The following RAP1A variants were observed in gnomAD, a reference collection of about 807,000 sequenced individuals.
RAP1A encodes the protein ras-related protein Rap-1A.
A neutral mutation model predicts 26.4 loss-of-function variants in RAP1A; 6 were observed. The ratio of observed to expected loss-of-function variants is 0.23; its 90% CI spans 0.12 to 0.45. The LOEUF (loss-of-function observed/expected upper bound fraction) is 0.45, where lower values mean the gene tolerates loss of function less well. Ranked by LOEUF, RAP1A falls within the 20% of genes least tolerant of loss-of-function variation. The probability of loss-of-function intolerance (pLI) is 0.99; values close to 1 mark genes in which losing one functional copy is unlikely to be tolerated. For missense variants in RAP1A, 121 were observed against 217.2 expected, an observed-to-expected ratio of 0.56 and a Z score of 2.78; for synonymous variants, 73 against 79.4, an observed-to-expected ratio of 0.92 and a Z score of 0.43.
chr1:111,614,140 A>G (rs1658975954), intron 1 of RAP1A, among the ~76,000 whole-genome samples: 1 of 152,200 alleles, frequency 6.6e-6, no homozygotes, highest in South Asian at 2.1e-4. Flanking sequence ...AGGCCTTGCT[A>G]ATTAATAGCT....
chr1:111,616,166 CA>C (rs375818251), upstream of RAP1A, among the ~76,000 whole-genome samples: 6 of 152,318 alleles, frequency 3.9e-5, no homozygotes, highest in African/African-American at 1.4e-4. Context: ...AGTGTCTACC[CA>C]AATCATCAGA....
intron 1 of RAP1A, chr1:111,649,130 G>T (rs911523223): frequency 3.4e-6 from 2 of 583,074 alleles, no homozygotes; most frequent in African/African-American, 1.9e-5. Context: ...TCTGCAGAAC[G>T]ATGTGGGCAT....
intron 1 of RAP1A, among the ~76,000 whole-genome samples, chr1:111,672,006 A>G (rs1340410529): frequency 2.0e-5 from 3 of 152,172 alleles, no homozygotes; most frequent in Non-Finnish European, 4.4e-5. Flanking sequence ...GACTTGATTT[A>G]TGGCTCAGCA....
intron 1 of RAP1A, among the ~76,000 whole-genome samples, chr1:111,602,945 C>A (rs939963090): frequency 6.6e-6 from 1 of 152,118 alleles, no homozygotes; most frequent in Non-Finnish European, 1.5e-5. Context: ...TAGTGTAAGT[C>A]CTGCCAGCTC....
chr1:111,705,996 A>G (rs1255291024), intron 6 of RAP1A, among the ~76,000 whole-genome samples: 1 of 152,204 alleles, frequency 6.6e-6, no homozygotes, highest in Non-Finnish European at 1.5e-5. Flanking sequence ...AGTACACTAC[A>G]TGTTTGTGAG....
At chr1:111,668,204 G>A (rs1243025839) in intron 1 of RAP1A, among the ~76,000 whole-genome samples, 2 of 152,068 alleles carry the variant, frequency 1.3e-5, no homozygotes, top group Non-Finnish European at 2.9e-5. Context: ...AAGTAATTCT[G>A]GCCACTAGTA....
rs906010116 is a variant in RAP1A at position 111,632,766 on chromosome 1, A to G, written c.-28+12832A>G. 3.9e-4 allele frequency among the ~76,000 whole-genome samples: 59 copies of G among 151,964 alleles called. 1 individual carries two copies. The highest frequency in any genetic ancestry group is 1.4e-3 in the African/African-American group (58 of 41,476). The stretch of plus-strand genomic sequence containing the variant: ...CGTCTTCACTAAAAAAAAAAATACA[A>G]AAAAACTAGCTGGGCGCGGTGGCGC... On this transcript the variant is annotated intron_variant, in intron 1 of 7. Coordinates refer to ENST00000369709, the MANE Select transcript of RAP1A (RefSeq NM_002884.4).
intron 1 of RAP1A, among the ~76,000 whole-genome samples, chr1:111,657,694 TTTA>T (rs1314338205): frequency 4.6e-5 from 7 of 152,306 alleles, no homozygotes; most frequent in African/African-American, 1.7e-4. Context: ...TCTAGCACCA[TTTA>T]TTGAAAAGAC....
chr1:111,615,980 T>C (rs1378439706), upstream of RAP1A, among the ~76,000 whole-genome samples: 1 of 152,212 alleles, frequency 6.6e-6, no homozygotes, highest in Non-Finnish European at 1.5e-5. Context: ...CAGCTCACTA[T>C]GCTTTAGGGA....
chr1:111,646,587 C>A (rs1660075734), intron 1 of RAP1A, among the ~76,000 whole-genome samples: 2 of 151,972 alleles, frequency 1.3e-5, no homozygotes. Flanking sequence ...GTCCCCTAGG[C>A]TGGAGTACAG....
At chr1:111,549,823 T>A (rs376858987) in intron 1 of RAP1A, among the ~76,000 whole-genome samples, 14 of 152,200 alleles carry the variant, frequency 9.2e-5, no homozygotes, top group African/African-American at 2.4e-4. Context: ...TAATCTTTTT[T>A]AAATTTTTTT....
Position 111,654,082 on chromosome 1 carries a change from G to A in RAP1A, c.-28+34148G>A, listed in dbSNP as rs554781865. Among the ~76,000 whole-genome samples the A allele has an allele frequency of 2.0e-4, 30 of 152,270 alleles. No individual in the cohort carries two copies. The Middle Eastern group carries it at 0.01, about 52-fold the overall frequency. On this transcript the variant is annotated intron_variant, in intron 1 of 7. Coordinates refer to ENST00000369709, the MANE Select transcript of RAP1A (RefSeq NM_002884.4). Reference sequence around the variant, plus strand: ...ATGCTTTGCACAATTATTTTCATGGGATAAATTGCATATCCTTCTAGTCTC... The same window carrying A: ...ATGCTTTGCACAATTATTTTCATGGAATAAATTGCATATCCTTCTAGTCTC...
intron 1 of RAP1A, among the ~76,000 whole-genome samples, chr1:111,650,977 T>C (rs1660250406): frequency 6.6e-6 from 1 of 152,096 alleles, no homozygotes; most frequent in Non-Finnish European, 1.5e-5. Flanking sequence ...AATTTTTTTG[T>C]ATTTTTAGTA....
At chr1:111,591,998 G>A (rs922954775) in intron 1 of RAP1A, among the ~76,000 whole-genome samples, 9 of 152,098 alleles carry the variant, frequency 5.9e-5, no homozygotes, top group Admixed American at 1.3e-4. Context: ...TCTATCCCAC[G>A]CCCCAGCTCT....
At chr1:111,551,026 T>C (rs1182351950) in intron 1 of RAP1A, among the ~76,000 whole-genome samples, 1 of 152,234 alleles carries the variant, frequency 6.6e-6, no homozygotes, top group East Asian at 1.9e-4. Flanking sequence ...GTCTGACACA[T>C]TTGTCTGGTT....
At chr1:111,555,552 A>G (rs1303217540) in intron 1 of RAP1A, among the ~76,000 whole-genome samples, 2 of 152,052 alleles carry the variant, frequency 1.3e-5, no homozygotes, top group African/African-American at 4.8e-5. Flanking sequence ...TTCAGCTTAG[A>G]GAAATCATGA....
At chr1:111,618,847 CCTT>C (rs1192626949), upstream of RAP1A, among the ~76,000 whole-genome samples, 2 of 132,664 alleles carry the variant, frequency 1.5e-5, no homozygotes, top group Non-Finnish European at 3.4e-5. Context: ...AATAAAATAG[CCTT>C]CTTCTCATCC....
chr1:111,664,962 C>G (rs1271491655), intron 1 of RAP1A, among the ~76,000 whole-genome samples: 2 of 152,168 alleles, frequency 1.3e-5, no homozygotes, highest in Non-Finnish European at 2.9e-5. Context: ...CATTTAAAAT[C>G]TAGAGACATA....
intron 1 of RAP1A, among the ~76,000 whole-genome samples, chr1:111,646,102 T>C (rs1660056463): frequency 6.6e-6 from 1 of 152,258 alleles, no homozygotes; most frequent in South Asian, 2.1e-4. Context: ...CACAATTCTT[T>C]TTGCTTCATT....
Sources: gnomAD v4.1 joint callset for allele counts (sites outside exome capture counted in the v4.1 genomes callset) on GRCh38, gnomAD v4.1.1 for gene constraint, MANE v1.5 for transcripts, NCBI Gene and HGNC (gene_info 2026-07-23, HGNC 2026-07-21) for gene names.